Variants in CFAP43 observed in about 807,000 individuals in gnomAD.
CFAP43 encodes the protein cilia- and flagella-associated protein 43.
CFAP43 carries 155 observed loss-of-function variants against 218.9 expected under a neutral mutation model. The observed-to-expected ratio is 0.71, with a 90% CI of 0.62 to 0.81. The LOEUF (loss-of-function observed/expected upper bound fraction) is 0.81, where lower values mean the gene tolerates loss of function less well. CFAP43 is among the 30% of genes least tolerant of loss of function. The pLI, the probability that CFAP43 is intolerant of heterozygous loss-of-function variation, is 0.00. For synonymous variants in CFAP43, 645 were observed against 681.3 expected (o/e 0.95, Z 0.83); for missense variants, 1,778 against 1,954.3 (o/e 0.91, Z 1.70).
chr10:104,165,410 C>T (rs1445707388), intron 23 of CFAP43, among the ~76,000 whole-genome samples: 2 of 152,154 alleles, frequency 1.3e-5, no homozygotes, highest in Non-Finnish European at 2.9e-5. Context: ...ACCCTGAAGG[C>T]AGAAGCTGAG....
chr10:104,154,845 T>G (rs1429832382), intron 27 of CFAP43, among the ~76,000 whole-genome samples: 3 of 152,230 alleles, frequency 2.0e-5, no homozygotes, highest in African/African-American at 7.2e-5. Context: ...GCCTCTTCAG[T>G]CTTTCTCACT....
chr10:104,138,003 G>A (rs1277394037), intron 34 of CFAP43, among the ~76,000 whole-genome samples: 1 of 152,172 alleles, frequency 6.6e-6, no homozygotes, highest in Non-Finnish European at 1.5e-5. Flanking sequence ...CTAGATCAGA[G>A]ATGACAGGTG....
rs759368092 is a variant in CFAP43, at chr10:104,230,817, T to C, written c.92A>G (p.Asn31Ser). 2.5e-6 allele frequency: 4 copies of C among 1,613,376 alleles called. No individual in the cohort carries two copies. The highest frequency in any genetic ancestry group is 3.4e-6 in the Non-Finnish European group (4 of 1,179,856). The change falls in exon 2 of 38, where the codon AAT becomes AGT. Residue 31 changes from asparagine (N) to serine (S), a missense_variant. Asn to Ser is a conservative substitution (Grantham distance 46). This residue lies in a region of CFAP43 where 1,553 missense variants were observed against 1,685.2 expected (regional missense o/e 0.92). Transcript: ENST00000357060. ...GGTGTTGTCGTTGACAAAATGAACA[T>C]TCTGCTTAGGGAATCCTTGCACCCA... ...VRWVQGFPKQNVHFVNDNTIC... is the reference protein window; with the variant it reads ...VRWVQGFPKQSVHFVNDNTIC...
At chr10:104,168,650 T>C in intron 21 of CFAP43, 94 bp downstream of exon 21, 2 of 1,015,684 alleles carry the variant, frequency 2.0e-6, no homozygotes, top group South Asian at 2.8e-5. Flanking sequence ...AGTGCTTTGC[T>C]ATGCCTGAAT....
chr10:104,131,557 T>C lies in CFAP43; in HGVS notation c.4678-73A>G. 2.8e-6 allele frequency: 4 copies of C among 1,445,834 alleles called. No homozygotes were observed. In the South Asian group the frequency reaches 5.5e-5, roughly 20 times the overall value. 89.6% of individuals were successfully genotyped at this position (1,445,834 alleles called of 1,614,324 possible). A position where few individuals can be genotyped will look rare whatever the true frequency, so the allele number is the denominator to read the frequency against. ...TGTAATTTATCCTATAAAGACATTA[T>C]TCTTATATTTTAAATACATTATCAT... On this transcript the variant is annotated intron_variant, in intron 36 of 37. Transcript: ENST00000357060.
Position 104,230,795 on chromosome 10 carries a change from G to T in CFAP43, c.114C>A (p.Asn38Lys). ...AATTCCCACAAGGGTAGCAAATGGT[G>T]TTGTCGTTGACAAAATGAACATTCT... ...PKQNVHFVND[N>K]TICYPCGNYV... The change falls in exon 2 of 38, where the codon AAC (asparagine) becomes AAA (lysine). Residue 38 changes from asparagine to lysine, a missense_variant. Coordinates refer to ENST00000357060, the MANE Select transcript of CFAP43 (RefSeq NM_025145.7). The T allele has an allele frequency of 6.2e-7, 1 of 1,613,658 alleles. No individual in the cohort carries two copies. Among genetic ancestry groups the T allele is most frequent in the Non-Finnish European group, 8.5e-7 (1 of 1,179,928 alleles).
intron 7 of CFAP43, among the ~76,000 whole-genome samples, chr10:104,204,138 T>C (rs916340144): frequency 1.3e-5 from 2 of 152,172 alleles, no homozygotes; most frequent in Non-Finnish European, 1.5e-5. Context: ...TTGTGTGGCT[T>C]GTGTATAGCA....
chr10:104,219,769 T>G (rs1441769198), intron 3 of CFAP43, among the ~76,000 whole-genome samples: 1 of 152,220 alleles, frequency 6.6e-6, no homozygotes, highest in Non-Finnish European at 1.5e-5. Context: ...GCCTCTCTCA[T>G]GGCAAATCTC....
At chr10:104,169,028 T>G (rs1359586429) in intron 20 of CFAP43, among the ~76,000 whole-genome samples, 180 bp from the exon 21 acceptor site, 1 of 152,218 alleles carries the variant, frequency 6.6e-6, no homozygotes. Context: ...CATCTCTGCC[T>G]TTGAGAACGT....
chr10:104,182,186 C>A (rs1589722268), intron 17 of CFAP43, among the ~76,000 whole-genome samples, 180 bp downstream of exon 17: 1 of 152,266 alleles, frequency 6.6e-6, no homozygotes, highest in South Asian at 2.1e-4. Flanking sequence ...TTTGCAATTG[C>A]TTTGAGAAAG....
At chr10:104,172,243 G>A (rs2089442205) in intron 20 of CFAP43, among the ~76,000 whole-genome samples, 167 bp downstream of exon 20, 1 of 152,116 alleles carries the variant, frequency 6.6e-6, no homozygotes, top group South Asian at 2.1e-4. Context: ...CCCCAAATTC[G>A]ATGATCCTCT....
intron 14 of CFAP43, 95 bp from the exon 15 acceptor site, chr10:104,186,218 G>T: frequency 9.6e-7 from 1 of 1,045,668 alleles, no homozygotes; most frequent in Non-Finnish European, 1.3e-6. Context: ...TATTGTCATT[G>T]TAAATAAAAT....
At chr10:104,191,098 C>T (rs1263389692) in intron 12 of CFAP43, among the ~76,000 whole-genome samples, 1 of 152,152 alleles carries the variant, frequency 6.6e-6, no homozygotes, top group African/African-American at 2.4e-5. Flanking sequence ...ATTATAGCTT[C>T]CAATCTCATC....
At chr10:104,195,664 C>T (rs2090362303) in intron 10 of CFAP43, among the ~76,000 whole-genome samples, 1 of 152,150 alleles carries the variant, frequency 6.6e-6, no homozygotes, top group African/African-American at 2.4e-5. Context: ...TCAACTAGAA[C>T]TGTGTAATGC....
intron 23 of CFAP43, 106 bp downstream of exon 23, chr10:104,166,382 A>G (rs1423462417): frequency 2.4e-6 from 2 of 835,026 alleles, no homozygotes; most frequent in East Asian, 2.7e-5. Flanking sequence ...TCCTCTATGT[A>G]TTTTTAAATC....
In CFAP43 at chr10:104,165,358, C is replaced by T. The variant is rs578152639; in HGVS notation, c.3040-1058G>A. ...ATTTCTCTTGGGCTGAAATTACCTC[C>T]TTGTAGGAAAACACCTTAATTAAAA... On this transcript the variant is annotated intron_variant, in intron 23 of 37. Transcript: ENST00000357060. Among the ~76,000 whole-genome samples the T allele has an allele frequency of 2.0e-5, 3 of 152,260 alleles. No homozygotes were observed. In the South Asian group the frequency reaches 6.2e-4, roughly 32 times the overall value.
At chr10:104,230,505 A>G in intron 2 of CFAP43, 85 bp downstream of exon 2, 1 of 1,505,354 alleles carries the variant, frequency 6.6e-7, no homozygotes. Context: ...CCTTTCAAAA[A>G]ATAAATCTTC....
intron 10 of CFAP43, among the ~76,000 whole-genome samples, chr10:104,196,435 C>T (rs1056292636): frequency 6.6e-6 from 1 of 152,218 alleles, no homozygotes. Context: ...AACAGCACCC[C>T]CTCTCCCTCC....
chr10:104,146,544 T>C (rs2087981730), intron 29 of CFAP43, among the ~76,000 whole-genome samples, 195 bp from the exon 30 acceptor site: 1 of 152,184 alleles, frequency 6.6e-6, no homozygotes, highest in Non-Finnish European at 1.5e-5. Flanking sequence ...AATCACCTGT[T>C]TCTAAGTACA....
Sources: allele counts gnomAD v4.1 joint callset (sites outside exome capture counted in the v4.1 genomes callset), GRCh38; gene constraint gnomAD v4.1.1; regional missense constraint gnomAD v4.1.1; transcripts MANE v1.5; gene names NCBI Gene and HGNC (gene_info 2026-07-23, HGNC 2026-07-21).